COL19A1: variants seen among roughly 807,000 people sequenced by gnomAD.
The protein encoded by COL19A1 is collagen alpha-1(XIX) chain.
A neutral mutation model predicts 190.2 loss-of-function variants in COL19A1; 159 were observed. The observed-to-expected ratio is 0.84, with a 90% CI of 0.73 to 0.95. The LOEUF (loss-of-function observed/expected upper bound fraction) is 0.95. Ranked by LOEUF, COL19A1 falls within the 40% of genes least tolerant of loss-of-function variation. The pLI, the probability that COL19A1 is intolerant of heterozygous loss-of-function variation, is 0.00. For synonymous variants in COL19A1, 509 were observed against 458.9 expected, an observed-to-expected ratio of 1.11 and a Z score of -1.39; for missense variants, 1,418 against 1,431.9, an observed-to-expected ratio of 0.99 and a Z score of 0.16.
intron 4 of COL19A1, among the ~76,000 whole-genome samples, chr6:69,911,274 T>C (rs1770893950): frequency 6.6e-6 from 1 of 152,208 alleles, no homozygotes; most frequent in Admixed American, 6.5e-5. Flanking sequence ...AATTAGAAAA[T>C]AAACATGGTA....
At chr6:69,953,928 A>G (rs1774267272) in intron 9 of COL19A1, among the ~76,000 whole-genome samples, 2 of 151,706 alleles carry the variant, frequency 1.3e-5, no homozygotes, top group African/African-American at 4.8e-5. Context: ...GGATTTAAAC[A>G]TATAACTGGT....
At chr6:69,977,068 T>C (rs528309315) in intron 11 of COL19A1, among the ~76,000 whole-genome samples, 1 of 152,306 alleles carries the variant, frequency 6.6e-6, no homozygotes, top group East Asian at 1.9e-4. Context: ...ACTGGGTATA[T>C]ACTCAAAGGA....
Position 70,050,157 on chromosome 6 carries a change from A to C in COL19A1, c.1170+14218A>C, listed in dbSNP as rs186649284. Among the ~76,000 whole-genome samples, 917 of 152,150 alleles carry C rather than the reference A, an allele frequency of 6.0e-3. 3 individuals carry two copies. The highest frequency in any genetic ancestry group is 9.3e-3 in the Non-Finnish European group (629 of 67,914). On this transcript the variant is annotated intron_variant, in intron 14 of 50. Transcript: ENST00000620364. ...ATTGTATAGTGTTGTAGTGATGATT[A>C]AGTGAGTTAATATATGTAAAGATTT...
chr6:70,159,725 A>G (rs1787672172), intron 34 of COL19A1, among the ~76,000 whole-genome samples: 3 of 152,160 alleles, frequency 2.0e-5, no homozygotes, highest in East Asian at 3.9e-4. Context: ...ATCAATATGC[A>G]GTAATGTTTC....
intron 11 of COL19A1, among the ~76,000 whole-genome samples, chr6:69,980,734 G>T (rs980098631): frequency 6.6e-6 from 1 of 152,152 alleles, no homozygotes; most frequent in Non-Finnish European, 1.5e-5. Flanking sequence ...TCGCTAAAGA[G>T]AAAAATTCTA....
At chr6:69,871,977 TG>T (rs2149932734) in intron 1 of COL19A1, among the ~76,000 whole-genome samples, 1 of 151,950 alleles carries the variant, frequency 6.6e-6, no homozygotes, top group East Asian at 1.9e-4. Flanking sequence ...TCACCACACC[TG>T]GCTAATTTTT....
intron 2 of COL19A1, among the ~76,000 whole-genome samples, chr6:69,883,492 T>C (rs1768702804): frequency 6.6e-6 from 1 of 152,234 alleles, no homozygotes; most frequent in Admixed American, 6.5e-5. Flanking sequence ...CATATTGTAT[T>C]ATTCATAATA....
At chr6:69,962,892 C>G in intron 11 of COL19A1, 22 bp downstream of exon 11, 1 of 1,575,172 alleles carries the variant, frequency 6.3e-7, no homozygotes, top group Non-Finnish European at 8.7e-7. Flanking sequence ...TTTTTACATT[C>G]ACATCTGTAA....
intron 47 of COL19A1, among the ~76,000 whole-genome samples, chr6:70,189,867 C>T (rs1766744154): frequency 6.6e-6 from 1 of 152,172 alleles, no homozygotes. Flanking sequence ...ACTTGGAGTT[C>T]TGTTCCAGGT....
chr6:69,958,604 C>A (rs916869007), intron 9 of COL19A1, among the ~76,000 whole-genome samples: 1 of 152,224 alleles, frequency 6.6e-6, no homozygotes, highest in East Asian at 1.9e-4. Context: ...GATTCTGTAA[C>A]ATTTAATTAC....
chr6:70,054,544 G>A (rs552694208), intron 14 of COL19A1, among the ~76,000 whole-genome samples: 68 of 152,232 alleles, frequency 4.5e-4, no homozygotes, highest in African/African-American at 1.5e-3. Flanking sequence ...TGCTAAATTT[G>A]AATCTGTATG....
At chr6:69,887,588 GAC>G (rs1479872246) in intron 2 of COL19A1, among the ~76,000 whole-genome samples, 1 of 152,160 alleles carries the variant, frequency 6.6e-6, no homozygotes, top group Non-Finnish European at 1.5e-5. Context: ...CCACTACACT[GAC>G]ACAGATTAGT....
intron 14 of COL19A1, among the ~76,000 whole-genome samples, chr6:70,056,336 T>G (rs1780504556): frequency 6.6e-6 from 1 of 152,198 alleles, no homozygotes; most frequent in African/African-American, 2.4e-5. Flanking sequence ...TTGAGTGTCT[T>G]CTAACACATG....
intron 15 of COL19A1, among the ~76,000 whole-genome samples, chr6:70,071,992 T>A (rs1188717584): frequency 6.6e-6 from 1 of 151,562 alleles, no homozygotes; most frequent in Non-Finnish European, 1.5e-5. Flanking sequence ...CTCAAGAAAA[T>A]GTGTAAGGAA....
chr6:70,017,768 G>A (rs76184825), intron 11 of COL19A1, among the ~76,000 whole-genome samples: 16,556 of 151,972 alleles, frequency 0.11, 1,018 homozygotes, highest in East Asian at 0.29. Context: ...TCTAGGAGGG[G>A]GCTTGTCATA....
At chr6:70,180,699 T>C (rs1766118583) in intron 44 of COL19A1, among the ~76,000 whole-genome samples, 176 bp downstream of exon 44, 1 of 152,236 alleles carries the variant, frequency 6.6e-6, no homozygotes, top group Non-Finnish European at 1.5e-5. Flanking sequence ...TCCCTAGATC[T>C]GTGTGTGGTA....
At chr6:69,930,556 T>C (rs1582439418) in intron 6 of COL19A1, among the ~76,000 whole-genome samples, 1 of 152,218 alleles carries the variant, frequency 6.6e-6, no homozygotes, top group East Asian at 1.9e-4. Flanking sequence ...CAGTGGCTCA[T>C]GCCTGTAATC....
intron 4 of COL19A1, among the ~76,000 whole-genome samples, chr6:69,915,682 T>C (rs530201168): frequency 4.5e-4 from 69 of 152,324 alleles, no homozygotes; most frequent in African/African-American, 1.6e-3. Flanking sequence ...CTTTCCATCA[T>C]CATTTGAGAT....
intron 23 of COL19A1, 143 bp downstream of exon 23, chr6:70,142,963 C>A: frequency 1.5e-6 from 1 of 670,766 alleles, no homozygotes; most frequent in Non-Finnish European, 2.5e-6. Flanking sequence ...ACTGATCATA[C>A]CTAATGTCAG....
Sources: gnomAD v4.1 joint callset for allele counts (sites outside exome capture counted in the v4.1 genomes callset) on GRCh38, gnomAD v4.1.1 for gene constraint, MANE v1.5 for transcripts, NCBI Gene and HGNC (gene_info 2026-07-23, HGNC 2026-07-21) for gene names.